Variants in CHRND observed in about 807,000 individuals in gnomAD.
CHRND encodes the protein cholinergic receptor nicotinic delta subunit.
CHRND carries 40 observed loss-of-function variants against 57.8 expected under a neutral mutation model. The ratio of observed to expected loss-of-function variants is 0.69; its 90% CI spans 0.54 to 0.90. The LOEUF is 0.90. CHRND is among the 40% of genes least tolerant of loss of function. The pLI, the probability that CHRND is intolerant of heterozygous loss-of-function variation, is 0.00. For synonymous variants in CHRND, 237 were observed against 270.6 expected (o/e 0.88, Z 1.22); for missense variants, 634 against 673.9 (o/e 0.94, Z 0.66).
In CHRND at chr2:232,530,196, C is replaced by G. The variant is rs769671837; in HGVS notation, c.820+57C>G. 3.0e-4 allele frequency: 465 copies of G among 1,552,866 alleles called. 1 individual carries two copies. Among genetic ancestry groups the G allele is most frequent in the Non-Finnish European group, 3.5e-4 (397 of 1,126,956 alleles). ...CTCCCCAAGCCCACCTGAGCACAGC[C>G]AGCCCCAGCCCTGCCCCCTCACTTC... On this transcript the variant is annotated intron_variant, in intron 7 of 11. Transcript: ENST00000258385.
At chr2:232,532,049 C>T (rs1420458269) in intron 9 of CHRND, among the ~76,000 whole-genome samples, 1 of 149,632 alleles carries the variant, frequency 6.7e-6, no homozygotes, top group Non-Finnish European at 1.5e-5. Flanking sequence ...GTCTCAGCTA[C>T]TCGGGAGGCT....
chr2:232,532,476 C>CA (rs578172115), intron 9 of CHRND, among the ~76,000 whole-genome samples: 10,705 of 90,224 alleles, frequency 0.12, 424 homozygotes, highest in Middle Eastern at 0.15. Flanking sequence ...ACTCTGTCTC[C>CA]AAAAAAAAAA....
In CHRND at chr2:232,531,529, T is replaced by C. The variant is rs756237105; in HGVS notation, c.933-13T>C. On this transcript the variant is annotated splice_polypyrimidine_tract_variant and intron_variant, in intron 8 of 11. Coordinates refer to ENST00000258385, the MANE Select transcript of CHRND (RefSeq NM_000751.3). The stretch of plus-strand genomic sequence containing the variant: ...CCAGCCCTGGGAGCTCCAAGCTGAG[T>C]GTTTGCCCACAGGTTCCTGCTCTTC... The C allele has an allele frequency of 6.2e-7, 1 of 1,613,936 alleles. No homozygotes were observed. Among genetic ancestry groups the C allele is most frequent in the Non-Finnish European group, 8.5e-7 (1 of 1,179,934 alleles).
chr2:232,535,628 C>G lies in CHRND; in HGVS notation c.*316C>G. On this transcript the variant is annotated 3_prime_UTR_variant, in exon 12 of 12. Coordinates refer to ENST00000258385, the MANE Select transcript of CHRND (RefSeq NM_000751.3). ...GGGGAGAGCTCTGATAGGGGTGAGA[C>G]AGATAGGGCCCCTTCTCTGCTTCTC... 1.8e-6 allele frequency: 1 copy of G among 551,572 alleles called. No homozygotes were observed. Among genetic ancestry groups the G allele is most frequent in the Non-Finnish European group, 3.4e-6 (1 of 290,730 alleles). The allele number at this position is 551,572 out of a possible 1,614,324, so 34.2% of individuals were successfully genotyped here.
intron 6 of CHRND, among the ~76,000 whole-genome samples, chr2:232,529,388 G>T (rs942295830): frequency 6.6e-6 from 1 of 152,136 alleles, no homozygotes; most frequent in Non-Finnish European, 1.5e-5. Flanking sequence ...CCTCATCCCC[G>T]ATCTGTACCC....
intron 6 of CHRND, 81 bp from the exon 7 acceptor site, chr2:232,529,858 C>G: frequency 6.6e-7 from 1 of 1,505,808 alleles, no homozygotes; most frequent in East Asian, 2.3e-5. Context: ...CTTGCCCTGC[C>G]CAGCCCCTCA....
intron 7 of CHRND, 136 bp downstream of exon 7, chr2:232,530,275 G>A: frequency 2.1e-6 from 2 of 936,400 alleles, no homozygotes; most frequent in South Asian, 2.8e-5. Context: ...CTGGATCCAG[G>A]TGTGAGGGCC....
chr2:232,531,738 C>T (rs1691706570), intron 9 of CHRND, 82 bp downstream of exon 9: 1 of 1,246,768 alleles, frequency 8.0e-7, no homozygotes, highest in Non-Finnish European at 1.2e-6. Context: ...CTCTTGAGCC[C>T]AGGAGTTGGA....
chr2:232,526,779 C>T, intron 2 of CHRND, 105 bp downstream of exon 2: 3 of 1,217,442 alleles, frequency 2.5e-6, no homozygotes, highest in Non-Finnish European at 2.4e-6. Flanking sequence ...CCTATGGCCA[C>T]TCCCTTCCTG....
Position 232,533,749 on chromosome 2 carries a change from G to A in CHRND, c.1048-182G>A, listed in dbSNP as rs572283219. 1.2e-3 allele frequency among the ~76,000 whole-genome samples: 180 copies of A among 151,548 alleles called. 1 individual carries two copies. The highest frequency in any genetic ancestry group is 1.8e-3 in the Non-Finnish European group (119 of 67,902). On this transcript the variant is annotated intron_variant, in intron 9 of 11. Transcript: ENST00000258385. The stretch of plus-strand genomic sequence containing the variant: ...AAAAATTAGCTGGGCATGGTGGCGC[G>A]TGCCTGTAGTCCCAACTACTTGGGA...
chr2:232,529,689 C>T (rs1351005123), intron 6 of CHRND, among the ~76,000 whole-genome samples: 2 of 152,218 alleles, frequency 1.3e-5, no homozygotes, highest in Non-Finnish European at 2.9e-5. Flanking sequence ...TATTTGAGTC[C>T]TGTATGGCCT....
rs1158829849 is a variant in CHRND, at chr2:232,535,572, C to T, written c.*260C>T. ...GGGAGGCCCGAGGCTGGCTCAGGGGCCAGGGAGGAGGCCACTCAGGGTGGC... is the reference window on the plus strand; with the variant it reads ...GGGAGGCCCGAGGCTGGCTCAGGGGTCAGGGAGGAGGCCACTCAGGGTGGC... On this transcript the variant is annotated 3_prime_UTR_variant, in exon 12 of 12. Transcript: ENST00000258385. 1.5e-6 allele frequency: 1 copy of T among 646,550 alleles called. No individual in the cohort carries two copies. Among genetic ancestry groups the T allele is most frequent in the East Asian group, 3.1e-5 (1 of 32,196 alleles). 40.1% of individuals were successfully genotyped at this position (646,550 alleles called of 1,614,324 possible). A position where few individuals can be genotyped will look rare whatever the true frequency, so the allele number is the denominator to read the frequency against.
intron 9 of CHRND, among the ~76,000 whole-genome samples, chr2:232,532,194 G>A (rs1325792324): frequency 6.6e-6 from 1 of 151,838 alleles, no homozygotes; most frequent in Non-Finnish European, 1.5e-5. Context: ...GGGACCGGGT[G>A]TGGTAGCTCA....
rs1338167509 is a variant in CHRND at position 232,535,281 on chromosome 2, C to A, written c.1523C>A (p.Ser508Tyr). ...PPQPFPGDPY[S>Y]YNVQDKRFI Reference sequence around the variant, plus strand: ...CAGCCTTTTCCTGGGGACCCCTACTCCTACAACGTGCAGGACAAGCGCTTC... The same window carrying A: ...CAGCCTTTTCCTGGGGACCCCTACTACTACAACGTGCAGGACAAGCGCTTC... Residue 508 changes from serine to tyrosine, a missense_variant, in exon 12 of 12, where the codon TCC (serine) becomes TAC (tyrosine). Physicochemically the swap from Ser to Tyr is moderately radical, Grantham distance 144. Coordinates refer to ENST00000258385, the MANE Select transcript of CHRND (RefSeq NM_000751.3). The A allele has an allele frequency of 6.2e-7, 1 of 1,613,936 alleles. No homozygotes were observed. Among genetic ancestry groups the A allele is most frequent in the African/African-American group, 1.3e-5 (1 of 74,934 alleles).
chr2:232,529,159 A>T (rs1380359455), intron 6 of CHRND, among the ~76,000 whole-genome samples, 188 bp downstream of exon 6: 2 of 152,066 alleles, frequency 1.3e-5, no homozygotes, highest in East Asian at 3.9e-4. Flanking sequence ...GCACACAGAC[A>T]CTCACACTTC....
intron 1 of CHRND, 36 bp downstream of exon 1, chr2:232,526,303 C>G: frequency 6.2e-7 from 1 of 1,602,878 alleles, no homozygotes; most frequent in Non-Finnish European, 8.5e-7. Context: ...TGGGGTCCCC[C>G]GTGATGCTTA....
At position 232,535,243 on chromosome 2, in the gene CHRND, C is replaced by T; in HGVS notation, c.1485C>T (p.Asn495=). The change falls in exon 12 of 12, where the codon AAC becomes AAT. Residue 495 remains asparagine, a synonymous_variant. Transcript: ENST00000258385. ...TAWIFLQGVY[N]QPPPQPFPGD... ...GGATCTTCCTGCAGGGCGTTTACAACCAGCCACCACCCCAGCCTTTTCCTG... is the reference window on the plus strand; with the variant it reads ...GGATCTTCCTGCAGGGCGTTTACAATCAGCCACCACCCCAGCCTTTTCCTG... 6.2e-7 allele frequency: 1 copy of T among 1,614,242 alleles called. No individual in the cohort carries two copies. The highest frequency in any genetic ancestry group is 1.7e-5 in the Admixed American group (1 of 60,034).
At chr2:232,531,717 G>A in intron 9 of CHRND, 61 bp downstream of exon 9, 3 of 1,419,812 alleles carry the variant, frequency 2.1e-6, no homozygotes, top group Non-Finnish European at 3.0e-6. Flanking sequence ...AGGAGGCTGA[G>A]GCGGGAGAAT....
At chr2:232,530,927 T>G (rs906909462) in intron 7 of CHRND, among the ~76,000 whole-genome samples, 1 of 152,104 alleles carries the variant, frequency 6.6e-6, no homozygotes, top group Non-Finnish European at 1.5e-5. Flanking sequence ...GGAGTTGAGG[T>G]GTTATCCTGG....
Sources: allele counts gnomAD v4.1 joint callset (sites outside exome capture counted in the v4.1 genomes callset), GRCh38; gene constraint gnomAD v4.1.1; transcripts MANE v1.5; gene names NCBI Gene and HGNC (gene_info 2026-07-23, HGNC 2026-07-21).